The following FAM184A variants were observed in gnomAD, a reference collection of about 807,000 sequenced individuals.
FAM184A encodes protein FAM184A.
A neutral mutation model predicts 143.8 loss-of-function variants in FAM184A; 99 were observed. The ratio of observed to expected loss-of-function variants is 0.69; its 90% confidence interval spans 0.58 to 0.81. The LOEUF (loss-of-function observed/expected upper bound fraction) is 0.81. FAM184A is among the 40% of genes least tolerant of loss of function. FAM184A has a pLI of 0.00. For missense variants in FAM184A, 1,217 were observed against 1,310.5 expected, an observed-to-expected ratio of 0.93 and a Z score of 1.10; for synonymous variants, 427 against 446.4, an observed-to-expected ratio of 0.96 and a Z score of 0.55.
At chr6:119,110,499 G>A (rs1788905471) in intron 1 of FAM184A, among the ~76,000 whole-genome samples, 1 of 151,948 alleles carries the variant, frequency 6.6e-6, no homozygotes, top group Non-Finnish European at 1.5e-5. Context: ...GTACACGGTG[G>A]CCTAATCAAA....
chr6:119,005,461 T>A (rs1784890325), intron 7 of FAM184A: 1 of 152,212 alleles, frequency 6.6e-6, no homozygotes, highest in Non-Finnish European at 1.5e-5. Context: ...TCACCAATTC[T>A]GAACTAAAAA....
At chr6:119,041,393 C>T (rs1341065536) in intron 1 of FAM184A, among the ~76,000 whole-genome samples, 1 of 152,148 alleles carries the variant, frequency 6.6e-6, no homozygotes, top group Non-Finnish European at 1.5e-5. Flanking sequence ...TTAGCTCACA[C>T]TCGGCCAATC....
chr6:119,044,912 A>G (rs1786470906), intron 1 of FAM184A, among the ~76,000 whole-genome samples: 1 of 152,202 alleles, frequency 6.6e-6, no homozygotes, highest in Non-Finnish European at 1.5e-5. Context: ...TTTTCTTCCA[A>G]AATTTATGGA....
intron 16 of FAM184A, chr6:118,963,786 AATC>A (rs1783408496): frequency 6.6e-6 from 1 of 151,922 alleles, no homozygotes; most frequent in African/African-American, 2.4e-5. Flanking sequence ...GTATATATAT[AATC>A]ATTTATTCTT....
chr6:118,996,989 G>A (rs1218268486), intron 9 of FAM184A, among the ~76,000 whole-genome samples: 1 of 150,656 alleles, frequency 6.6e-6, no homozygotes, highest in East Asian at 2.0e-4. Flanking sequence ...CCTCCCACAT[G>A]CTGGGATTAC....
In FAM184A at chr6:119,003,608, T is replaced by A; in HGVS notation, c.1830A>T (p.Gln610His). The A allele has an allele frequency of 6.2e-7, 1 of 1,612,102 alleles. No individual in the cohort carries two copies. Among genetic ancestry groups the A allele is most frequent in the East Asian group, 2.2e-5 (1 of 44,742 alleles). ...TTGTTTCTTCATGCTGTTGCCTTTC[T>A]TGTTCTAGCTCACCCTGAAGAATAA... is the stretch of plus-strand genomic sequence containing the variant. ...ALLNVEGELE[Q>H]ERQQHEETIA... The change falls in exon 8 of 18, where the codon CAA becomes CAT. Residue 610 changes from glutamine (Q) to histidine (H), a missense_variant. Physicochemically the swap from Gln to His is conservative, Grantham distance 24 (BLOSUM62 0). Transcript: ENST00000338891.
intron 1 of FAM184A, among the ~76,000 whole-genome samples, chr6:119,050,944 A>G (rs1211057414): frequency 6.6e-6 from 1 of 152,242 alleles, no homozygotes; most frequent in African/African-American, 2.4e-5. Flanking sequence ...TGGGAGCTAA[A>G]TGATGAGAAC....
intron 1 of FAM184A, among the ~76,000 whole-genome samples, chr6:119,029,201 G>C (rs952180417): frequency 5.9e-5 from 9 of 152,134 alleles, no homozygotes; most frequent in Non-Finnish European, 1.5e-5. Context: ...AATCCAAAGA[G>C]AGAACTAAGT....
upstream of FAM184A, chr6:119,079,159 T>G (rs1427339427): frequency 3.9e-5 from 6 of 152,280 alleles, no homozygotes; most frequent in African/African-American, 1.4e-4. Context: ...GCCCTGACCT[T>G]CCTTCCAATG....
chr6:119,056,353 G>A (rs1452616629), intron 1 of FAM184A, among the ~76,000 whole-genome samples: 1 of 152,122 alleles, frequency 6.6e-6, no homozygotes, highest in East Asian at 1.9e-4. Flanking sequence ...TTTTGGACAC[G>A]TAGTACTGAG....
intron 1 of FAM184A, among the ~76,000 whole-genome samples, chr6:119,028,590 G>A (rs1785753667): frequency 1.3e-5 from 2 of 152,288 alleles, no homozygotes; most frequent in Admixed American, 6.5e-5. Flanking sequence ...GGTGCTGGGA[G>A]GGTGGCATGC....
intron 1 of FAM184A, among the ~76,000 whole-genome samples, chr6:119,089,187 T>G (rs1229531564): frequency 1.6e-5 from 1 of 62,264 alleles, no homozygotes; most frequent in African/African-American, 8.8e-5. Flanking sequence ...TCTCTCTCTC[T>G]TTATTTATTT....
At chr6:119,129,770 A>G (rs1789483795) in intron 1 of FAM184A, among the ~76,000 whole-genome samples, 1 of 151,922 alleles carries the variant, frequency 6.6e-6, no homozygotes, top group Non-Finnish European at 1.5e-5. Context: ...TGCATAAAAG[A>G]CTATTTTTTA....
intron 1 of FAM184A, among the ~76,000 whole-genome samples, chr6:119,044,653 G>GA (rs951191879): frequency 3.4e-5 from 5 of 148,114 alleles, no homozygotes; most frequent in Admixed American, 1.4e-4. Flanking sequence ...TGAACACTTT[G>GA]AAAAAAAAAA....
intron 1 of FAM184A, among the ~76,000 whole-genome samples, chr6:119,086,286 A>T (rs1262246088): frequency 6.6e-6 from 1 of 152,242 alleles, no homozygotes; most frequent in Non-Finnish European, 1.5e-5. Flanking sequence ...ATGACTAAAA[A>T]GTAGTCTCTT....
intron 15 of FAM184A, among the ~76,000 whole-genome samples, chr6:118,966,161 T>C (rs776910650): frequency 1.2e-4 from 18 of 152,236 alleles, no homozygotes. Flanking sequence ...CATGTTGCTC[T>C]TATGCTCTTT....
At chr6:118,986,016 T>G (rs1003431218) in intron 9 of FAM184A, among the ~76,000 whole-genome samples, 4 of 152,138 alleles carry the variant, frequency 2.6e-5, no homozygotes, top group African/African-American at 9.7e-5. Flanking sequence ...AAATTTGGCC[T>G]GGCGCGGTGG....
At chr6:119,048,092 A>T (rs1786608449) in intron 1 of FAM184A, among the ~76,000 whole-genome samples, 1 of 152,238 alleles carries the variant, frequency 6.6e-6, no homozygotes, top group Non-Finnish European at 1.5e-5. Flanking sequence ...AAGTGAACAA[A>T]TGTGATTCAT....
At chr6:118,979,318 A>G in intron 11 of FAM184A, 47 bp downstream of exon 11, 1 of 1,511,634 alleles carries the variant, frequency 6.6e-7, no homozygotes, top group Non-Finnish European at 8.9e-7. Context: ...AAAAAATGTT[A>G]AAAATGTACA....
Sources: gnomAD v4.1 joint callset for allele counts (sites outside exome capture counted in the v4.1 genomes callset) on GRCh38, gnomAD v4.1.1 for gene constraint, MANE v1.5 for transcripts, NCBI Gene and HGNC (gene_info 2026-07-23, HGNC 2026-07-21) for gene names.